Variants in MAML2 observed in about 807,000 individuals in gnomAD.
The protein encoded by MAML2 is mastermind like transcriptional coactivator 2.
MAML2 carries 22 observed loss-of-function variants against 96.1 expected under a neutral mutation model. The ratio of observed to expected loss-of-function variants is 0.23; its 90% CI spans 0.16 to 0.33. MAML2 has a LOEUF of 0.33. MAML2 is among the 10% of genes least tolerant of loss of function. MAML2 has a pLI of 1.00. For synonymous variants in MAML2, 561 were observed against 521.3 expected, an observed-to-expected ratio of 1.08 and a Z score of -1.04; for missense variants, 1,367 against 1,392.4, an observed-to-expected ratio of 0.98 and a Z score of 0.29.
intron 1 of MAML2, among the ~76,000 whole-genome samples, chr11:96,149,725 C>A (rs1018087378): frequency 6.6e-6 from 1 of 152,160 alleles, no homozygotes; most frequent in Non-Finnish European, 1.5e-5. Context: ...CAGAGTGAGA[C>A]TCTGTCTCAA....
chr11:96,116,040 A>G (rs1172625935), intron 1 of MAML2, among the ~76,000 whole-genome samples: 1 of 152,142 alleles, frequency 6.6e-6, no homozygotes, highest in African/African-American at 2.4e-5. Context: ...CCACCCTGAC[A>G]AGTCTGAGGC....
intron 2 of MAML2, among the ~76,000 whole-genome samples, chr11:96,066,199 T>TCCTTG (rs1590990625): frequency 6.6e-6 from 1 of 152,216 alleles, no homozygotes; most frequent in African/African-American, 2.4e-5. Context: ...CACTGCCTAG[T>TCCTTG]CCTTGCTGAT....
At chr11:96,130,794 A>G (rs774692680) in intron 1 of MAML2, among the ~76,000 whole-genome samples, 107 of 151,916 alleles carry the variant, frequency 7.0e-4, no homozygotes, top group Non-Finnish European at 1.3e-3. Flanking sequence ...AGTAATTAAA[A>G]CGTTATTTTC....
At chr11:96,133,111 C>G (rs916961103) in intron 1 of MAML2, among the ~76,000 whole-genome samples, 1 of 152,102 alleles carries the variant, frequency 6.6e-6, no homozygotes, top group Non-Finnish European at 1.5e-5. Flanking sequence ...GAGAAAACAT[C>G]GCCCTCAAGT....
intron 2 of MAML2, among the ~76,000 whole-genome samples, chr11:96,082,036 C>T (rs967504021): frequency 6.6e-6 from 1 of 152,108 alleles, no homozygotes; most frequent in African/African-American, 2.4e-5. Flanking sequence ...TTTCCTTTGT[C>T]CTGCCTTTTT....
At chr11:96,324,046 T>C (rs1863743335) in intron 1 of MAML2, among the ~76,000 whole-genome samples, 1 of 152,276 alleles carries the variant, frequency 6.6e-6, no homozygotes, top group African/African-American at 2.4e-5. Context: ...CTAATTGTCA[T>C]TGGCTTTCAA....
At chr11:96,259,864 T>C (rs749805344) in intron 1 of MAML2, among the ~76,000 whole-genome samples, 2 of 152,172 alleles carry the variant, frequency 1.3e-5, no homozygotes, top group Non-Finnish European at 2.9e-5. Flanking sequence ...GGAAGGTGTC[T>C]TTAATCTTTT....
intron 1 of MAML2, among the ~76,000 whole-genome samples, chr11:96,113,172 CA>C (rs746481079): frequency 2.0e-3 from 54 of 26,870 alleles, no homozygotes; most frequent in Middle Eastern, 0.02. Flanking sequence ...CTTTAAAAGA[CA>C]AAAAAAAAAA....
chr11:96,152,470 A>G (rs1405232159), intron 1 of MAML2, among the ~76,000 whole-genome samples: 2 of 152,238 alleles, frequency 1.3e-5, no homozygotes, highest in Admixed American at 6.5e-5. Context: ...TACCTTAAAT[A>G]TCATATAGCA....
At chr11:96,319,163 CTG>C (rs1236492037) in intron 1 of MAML2, among the ~76,000 whole-genome samples, 1 of 152,202 alleles carries the variant, frequency 6.6e-6, no homozygotes. Flanking sequence ...CAGCAAGGAA[CTG>C]AGGCCTCCGG....
chr11:96,013,342 T>C (rs1164948254), intron 2 of MAML2, among the ~76,000 whole-genome samples: 2 of 152,228 alleles, frequency 1.3e-5, no homozygotes, highest in Non-Finnish European at 2.9e-5. Context: ...GCTCATGTAG[T>C]AGATTATAAC....
At chr11:96,282,987 G>A (rs1565272613) in intron 1 of MAML2, among the ~76,000 whole-genome samples, 1 of 152,244 alleles carries the variant, frequency 6.6e-6, no homozygotes, top group East Asian at 1.9e-4. Context: ...TATGATGCCA[G>A]GGAATAGAAA....
intron 2 of MAML2, among the ~76,000 whole-genome samples, chr11:96,086,899 G>A (rs907966489): frequency 2.0e-5 from 3 of 152,086 alleles, no homozygotes; most frequent in Non-Finnish European, 2.9e-5. Context: ...AATTTTTCCC[G>A]AGGTGGTGAT....
At position 96,124,845 on chromosome 11, in the gene MAML2, T is replaced by C. The variant is rs1264452929; in HGVS notation, c.514-31328A>G. Among the ~76,000 whole-genome samples, 4 of 152,152 alleles carry C rather than the reference T, an allele frequency of 2.6e-5. No individual in the cohort carries two copies. In the South Asian group the frequency reaches 8.3e-4, roughly 32 times the overall value. ...GAGGAATCAAATGCAAAACCTGCCATGATTTGCAAAAAGAAGCTGCTTATG... is the reference window on the plus strand; with the variant it reads ...GAGGAATCAAATGCAAAACCTGCCACGATTTGCAAAAAGAAGCTGCTTATG... On this transcript the variant is annotated intron_variant, in intron 1 of 4. Coordinates refer to ENST00000524717, the MANE Select transcript of MAML2 (RefSeq NM_032427.4).
intron 1 of MAML2, among the ~76,000 whole-genome samples, chr11:96,132,073 G>A (rs1025752828): frequency 3.9e-5 from 6 of 151,994 alleles, no homozygotes; most frequent in Non-Finnish European, 7.4e-5. Flanking sequence ...TTTCCTAGTG[G>A]GCAAGGATCA....
chr11:96,149,636 G>A (rs1363180200), intron 1 of MAML2, among the ~76,000 whole-genome samples: 1 of 151,936 alleles, frequency 6.6e-6, no homozygotes, highest in Non-Finnish European at 1.5e-5. Flanking sequence ...GGAGGCTGAA[G>A]CAGGAGAATT....
At chr11:96,004,452 A>AG (rs1858145635) in intron 2 of MAML2, among the ~76,000 whole-genome samples, 1 of 152,098 alleles carries the variant, frequency 6.6e-6, no homozygotes, top group South Asian at 2.1e-4. Flanking sequence ...GGGAATAAAA[A>AG]AAACCCAGTA....
intron 1 of MAML2, among the ~76,000 whole-genome samples, chr11:96,282,571 T>C (rs906355497): frequency 1.3e-5 from 2 of 152,340 alleles, no homozygotes; most frequent in South Asian, 2.1e-4. Context: ...CTCTCCATCT[T>C]ACTGTTAGAT....
rs71040128 is a variant in MAML2, at chr11:96,068,915, CTTT to C, written c.2139+22974_2139+22976del. ...ATAATTTTTCCTTCCTTCTTCCCTCCTTTTTTTTTTTTTTTTTTTTTTTAAAGA... is the reference window on the plus strand; with the variant it reads ...ATAATTTTTCCTTCCTTCTTCCCTCCTTTTTTTTTTTTTTTTTTTTAAAGA... On this transcript the variant is annotated intron_variant, in intron 2 of 4. Coordinates refer to ENST00000524717, the MANE Select transcript of MAML2 (RefSeq NM_032427.4). Among the ~76,000 whole-genome samples the C allele has an allele frequency of 3.3e-3, 354 of 106,494 alleles. 1 individual carries two copies. The highest frequency in any genetic ancestry group is 0.013 in the African/African-American group (337 of 26,706). 69.9% of individuals were successfully genotyped at this position (106,494 alleles called of 152,430 possible).
Sources: gnomAD v4.1 joint callset for allele counts (sites outside exome capture counted in the v4.1 genomes callset) on GRCh38, gnomAD v4.1.1 for gene constraint, MANE v1.5 for transcripts, NCBI Gene and HGNC (gene_info 2026-07-23, HGNC 2026-07-21) for gene names.